Variants in VPS50 observed in about 807,000 individuals in gnomAD.
VPS50 encodes the protein syndetin.
In VPS50, 70 loss-of-function variants were observed where a neutral mutation model predicts 139.7. The ratio of observed to expected loss-of-function variants is 0.50; its 90% CI spans 0.41 to 0.61. The LOEUF is 0.61. Ranked by LOEUF, VPS50 falls within the 20% of genes least tolerant of loss-of-function variation. The pLI is 0.00. For synonymous variants in VPS50, 365 were observed against 376.7 expected, an observed-to-expected ratio of 0.97 and a Z score of 0.36; for missense variants, 921 against 1,133.7, an observed-to-expected ratio of 0.81 and a Z score of 2.69.
chr7:93,297,024 A>T, intron 15 of VPS50, 121 bp from the exon 16 acceptor site: 1 of 1,456,046 alleles, frequency 6.9e-7, no homozygotes, highest in Non-Finnish European at 9.0e-7. Flanking sequence ...TGTGATCTTT[A>T]GAATTTTTTC....
chr7:93,316,471 A>G (rs1051821987), intron 20 of VPS50, among the ~76,000 whole-genome samples: 1 of 152,254 alleles, frequency 6.6e-6, no homozygotes, highest in Non-Finnish European at 1.5e-5. Flanking sequence ...GCAAGGGATG[A>G]TGAGGACATA....
chr7:93,304,216 A>G (rs1797055749), intron 17 of VPS50, among the ~76,000 whole-genome samples: 1 of 151,860 alleles, frequency 6.6e-6, no homozygotes, highest in African/African-American at 2.4e-5. Flanking sequence ...AATGCAGTGC[A>G]TATAGTTAGA....
chr7:93,268,905 G>A (rs1439878435), intron 9 of VPS50, among the ~76,000 whole-genome samples: 2 of 152,114 alleles, frequency 1.3e-5, no homozygotes, highest in African/African-American at 4.8e-5. Context: ...ATAGAATTGA[G>A]AAAAGATAAT....
At chr7:93,240,263 TC>T (rs879369116) in intron 2 of VPS50, among the ~76,000 whole-genome samples, 5,791 of 149,702 alleles carry the variant, frequency 0.039, 138 homozygotes, top group African/African-American at 0.059. Context: ...TCTCTCTCTC[TC>T]TCTCTCATTG....
intron 16 of VPS50, among the ~76,000 whole-genome samples, chr7:93,297,892 T>C (rs1370490663): frequency 6.6e-6 from 1 of 152,202 alleles, no homozygotes; most frequent in Admixed American, 6.5e-5. Flanking sequence ...CCCCAAGTTG[T>C]ATCCCTTTTG....
Position 93,349,955 on chromosome 7 carries a change from G to C in VPS50, c.2385G>C (p.Leu795=). Residue 795 remains leucine (L), a synonymous_variant, in exon 25 of 28, where the codon CTG becomes CTC. Transcript: ENST00000305866. ...AGKALDYEQM[L]LLMANVKWDV... ...AAGCCCTTGATTATGAACAGATGCT[G>C]CTTCTCATGGCTAATGTGAAATGGG... 1 of 1,611,814 alleles carries C rather than the reference G, an allele frequency of 6.2e-7. No homozygotes were observed. Among genetic ancestry groups the C allele is most frequent in the Non-Finnish European group, 8.5e-7 (1 of 1,178,024 alleles).
chr7:93,268,925 A>T (rs1795923936), intron 9 of VPS50, among the ~76,000 whole-genome samples: 1 of 152,140 alleles, frequency 6.6e-6, no homozygotes, highest in South Asian at 2.1e-4. Context: ...TCACAGGTGG[A>T]TATGGGAAAT....
At chr7:93,299,229 G>A (rs1783892624) in intron 16 of VPS50, among the ~76,000 whole-genome samples, 1 of 152,164 alleles carries the variant, frequency 6.6e-6, no homozygotes, top group African/African-American at 2.4e-5. Flanking sequence ...CCATCAATGT[G>A]TTCTAAGGTA....
intron 12 of VPS50, among the ~76,000 whole-genome samples, chr7:93,282,693 C>T (rs1010708724): frequency 6.6e-6 from 1 of 152,098 alleles, no homozygotes; most frequent in Non-Finnish European, 1.5e-5. Context: ...GGAGGTTAAA[C>T]GACGTTTCAT....
chr7:93,234,349 T>A (rs1278979673), intron 1 of VPS50, among the ~76,000 whole-genome samples: 1 of 152,188 alleles, frequency 6.6e-6, no homozygotes, highest in Non-Finnish European at 1.5e-5. Context: ...TAAGCCTTAG[T>A]CAGTTGCTTA....
intron 20 of VPS50, among the ~76,000 whole-genome samples, chr7:93,318,213 G>C (rs1181700482): frequency 6.6e-6 from 1 of 151,856 alleles, no homozygotes; most frequent in African/African-American, 2.4e-5. Context: ...TTTATGTACA[G>C]CCTGATCTTT....
chr7:93,320,038 C>CT (rs1797555311), intron 20 of VPS50, among the ~76,000 whole-genome samples: 1 of 151,972 alleles, frequency 6.6e-6, no homozygotes, highest in South Asian at 2.1e-4. Flanking sequence ...TTTTCACACT[C>CT]TGAGTTTTCT....
intron 23 of VPS50, among the ~76,000 whole-genome samples, chr7:93,348,446 C>T (rs993336997): frequency 3.9e-5 from 6 of 152,228 alleles, no homozygotes; most frequent in African/African-American, 1.4e-4. Context: ...AAGCACATGA[C>T]TACACCTCAT....
At chr7:93,311,338 C>A in intron 20 of VPS50, 66 bp downstream of exon 20, 1 of 800,620 alleles carries the variant, frequency 1.2e-6, no homozygotes. Flanking sequence ...ATGACTTTTA[C>A]TTGTGGTTTT....
At chr7:93,268,927 A>G (rs1795924015) in intron 9 of VPS50, among the ~76,000 whole-genome samples, 1 of 152,164 alleles carries the variant, frequency 6.6e-6, no homozygotes, top group African/African-American at 2.4e-5. Context: ...ACAGGTGGAT[A>G]TGGGAAATAC....
chr7:93,337,073 A>T (rs1798087746), intron 22 of VPS50, among the ~76,000 whole-genome samples: 1 of 152,188 alleles, frequency 6.6e-6, no homozygotes, highest in South Asian at 2.1e-4. Context: ...CATACCATTT[A>T]TTTATGTCAG....
intron 26 of VPS50, among the ~76,000 whole-genome samples, chr7:93,355,111 CTCT>C (rs1209102878): frequency 7.8e-6 from 1 of 127,828 alleles, no homozygotes; most frequent in Non-Finnish European, 1.7e-5. Context: ...GTATAAAATA[CTCT>C]TTTTTAAAAA....
intron 9 of VPS50, among the ~76,000 whole-genome samples, chr7:93,265,849 G>C (rs1203315403): frequency 6.6e-6 from 1 of 152,172 alleles, no homozygotes; most frequent in Non-Finnish European, 1.5e-5. Flanking sequence ...TTACAAGCGT[G>C]AGCCACTGCG....
chr7:93,269,535 T>C (rs1795943123), intron 9 of VPS50, among the ~76,000 whole-genome samples: 1 of 152,138 alleles, frequency 6.6e-6, no homozygotes, highest in Non-Finnish European at 1.5e-5. Flanking sequence ...CTCTAGATGT[T>C]TGGACATTTA....
Sources: gnomAD v4.1 joint callset for allele counts (sites outside exome capture counted in the v4.1 genomes callset) on GRCh38, gnomAD v4.1.1 for gene constraint, MANE v1.5 for transcripts, NCBI Gene and HGNC (gene_info 2026-07-23, HGNC 2026-07-21) for gene names.